The following CELSR2 variants were observed in gnomAD, a reference collection of about 807,000 sequenced individuals.
CELSR2 encodes cadherin EGF LAG seven-pass G-type receptor 2.
In CELSR2, 81 loss-of-function variants were observed where a neutral mutation model predicts 251.6. The ratio of observed to expected loss-of-function variants is 0.32; its 90% CI spans 0.27 to 0.39. CELSR2 has a LOEUF of 0.39. Among genes scored for constraint, CELSR2 ranks in the 10% least tolerant of loss-of-function variants. The pLI, the probability that CELSR2 is intolerant of heterozygous loss-of-function variation, is 1.00. For synonymous variants in CELSR2, 1,721 were observed against 1,670.5 expected (o/e 1.03, Z -0.74); for missense variants, 3,365 against 3,947.7 (o/e 0.85, Z 3.96).
At position 109,272,201 on chromosome 1, in the gene CELSR2, C is replaced by T. The variant is rs1198102672; in HGVS notation, c.7927-77C>T. 6.0e-6 allele frequency: 9 copies of T among 1,495,930 alleles called. No homozygotes were observed. The Admixed American group carries it at 2.0e-4, about 34-fold the overall frequency. The allele number at this position is 1,495,930 out of a possible 1,614,324, so 92.7% of individuals were successfully genotyped here. A position where few individuals can be genotyped will look rare whatever the true frequency, so the allele number is the denominator to read the frequency against. ...TGGAAGGTGGAACTTAGGGCAAGTT[C>T]CCTCCACCCTCCTTCTTCCCAGCCT... On this transcript the variant is annotated intron_variant, in intron 28 of 33. Coordinates refer to ENST00000271332, the MANE Select transcript of CELSR2 (RefSeq NM_001408.3).
At position 109,264,494 on chromosome 1, in the gene CELSR2, T is replaced by G. The variant is rs1225936064; in HGVS notation, c.5330T>G (p.Leu1777Arg). The stretch of plus-strand genomic sequence containing the variant: ...GATACGCCGGAGGGGGTTAACAGCC[T>G]GGATCCCAGCCATGGGGAGAGCATC... ...VSDTPEGVNS[L>R]DPSHGESINV... The change falls in exon 11 of 34, where the codon CTG (leucine) becomes CGG (arginine). Residue 1777 changes from leucine to arginine, a missense_variant. Physicochemically the swap from Leu to Arg is moderately radical, Grantham distance 102 (BLOSUM62 -2). Coordinates refer to ENST00000271332, the MANE Select transcript of CELSR2 (RefSeq NM_001408.3). 2 of 1,613,518 alleles carry G rather than the reference T, an allele frequency of 1.2e-6. No individual in the cohort carries two copies. Among genetic ancestry groups the G allele is most frequent in the African/African-American group, 2.7e-5 (2 of 74,882 alleles).
At chr1:109,255,885 G>C (rs1360826399) in intron 1 of CELSR2, among the ~76,000 whole-genome samples, 4 of 152,254 alleles carry the variant, frequency 2.6e-5, no homozygotes, top group Admixed American at 2.6e-4. Context: ...TGGTGGACCA[G>C]ATGGGAAGCA....
chr1:109,251,642 CT>C lies in CELSR2; in HGVS notation c.1564del (p.Tyr522ThrfsTer59). 1.2e-6 allele frequency: 2 copies of C among 1,613,940 alleles called. No individual in the cohort carries two copies. Among genetic ancestry groups the C allele is most frequent in the Non-Finnish European group, 1.7e-6 (2 of 1,179,896 alleles). ...ATVLESVPLG[Y>X]LVLHVQAIDA... ...CTGTCCTGGAGAGTGTCCCCTTAGG[CT>C]ACCTGGTTCTCCATGTCCAGGCTAT... On this transcript the variant is annotated frameshift_variant, in exon 1 of 34. Coordinates refer to ENST00000271332, the MANE Select transcript of CELSR2 (RefSeq NM_001408.3). LOFTEE classifies it high-confidence loss of function. The surrounding 1 kb of genome is among the most constrained non-coding windows in gnomAD (Gnocchi z 4.9).
rs562540827 is a variant in CELSR2, at chr1:109,267,711, A to G, written c.6108+69A>G. The G allele has an allele frequency of 7.5e-4, 1,179 of 1,573,330 alleles. 11 individuals are homozygous for G. Among genetic ancestry groups the G allele is most frequent in the Non-Finnish European group, 4.9e-5 (56 of 1,153,360 alleles). On this transcript the variant is annotated intron_variant, in intron 16 of 33. Coordinates refer to ENST00000271332, the MANE Select transcript of CELSR2 (RefSeq NM_001408.3). ...CTGAGTCTCACTTGCCCCCACTCCC[A>G]TCTTTGAGAACGGGGCTTCTGGAAT...
rs752159303 is a variant in CELSR2 at position 109,269,796 on chromosome 1, G to T, written c.7083G>T (p.Val2361=). 1 of 1,613,376 alleles carries T rather than the reference G, an allele frequency of 6.2e-7. No homozygotes were observed. The highest frequency in any genetic ancestry group is 1.1e-5 in the South Asian group (1 of 91,080). The change falls in exon 22 of 34, where the codon GTG becomes GTT. Residue 2361 remains valine (V), a synonymous_variant. Coordinates refer to ENST00000271332, the MANE Select transcript of CELSR2 (RefSeq NM_001408.3). This position sits in a 1 kb window ranked among gnomAD's most constrained non-coding sequence, Gnocchi z 6.4. ...CQCNHMTSFA[V]LMDVSRRENG... ...GCAACCACATGACGAGCTTCGCTGT[G>T]CTCATGGACGTTTCTCGGCGGGAGG...
intron 24 of CELSR2, 63 bp from the exon 25 acceptor site, chr1:109,270,864 G>T: frequency 8.0e-7 from 1 of 1,242,248 alleles, no homozygotes; most frequent in Non-Finnish European, 1.2e-6. Flanking sequence ...CCACCTGCCC[G>T]CAGCCCTACT....
At chr1:109,272,456 G>A (rs374731412) in intron 29 of CELSR2, 51 bp downstream of exon 29, 2 of 1,573,714 alleles carry the variant, frequency 1.3e-6, no homozygotes, top group African/African-American at 2.7e-5. Flanking sequence ...GCCCACGCAT[G>A]CTGGACCCAG....
At chr1:109,273,361 G>C (rs201996023) in intron 32 of CELSR2, 25 bp downstream of exon 32, 2 of 1,604,034 alleles carry the variant, frequency 1.2e-6, no homozygotes, top group Non-Finnish European at 1.7e-6. Flanking sequence ...CCCAGCTGCC[G>C]AGCTCCCCTA....
At chr1:109,253,638 C>G (rs535902771) in intron 1 of CELSR2, among the ~76,000 whole-genome samples, 5 of 152,228 alleles carry the variant, frequency 3.3e-5, no homozygotes, top group Non-Finnish European at 7.3e-5. Flanking sequence ...TGTCTACCAG[C>G]CTGTGACGTG....
rs201366382 is a variant in CELSR2 at position 109,273,978 on chromosome 1, C to T, written c.8745-44C>T. 1.2e-3 allele frequency: 1,925 copies of T among 1,610,240 alleles called. 5 individuals carry two copies. Among genetic ancestry groups the T allele is most frequent in the Non-Finnish European group, 1.5e-3 (1,770 of 1,176,510 alleles). On this transcript the variant is annotated intron_variant, in intron 33 of 33. Coordinates refer to ENST00000271332, the MANE Select transcript of CELSR2 (RefSeq NM_001408.3). ...CACTCTCTCCTCTGTTTCAACTAAC[C>T]CTCTGTCTGCCTTTTCTGCCACTTT...
In CELSR2 at chr1:109,258,748, A is replaced by C. The variant is rs199897779; in HGVS notation, c.3627A>C (p.Leu1209=). 1.3e-6 allele frequency: 2 copies of C among 1,575,656 alleles called. No individual in the cohort carries two copies. The highest frequency in any genetic ancestry group is 2.7e-5 in the African/African-American group (2 of 74,120). The change falls in exon 2 of 34, where the codon CTA becomes CTC. Residue 1209 remains leucine, a synonymous_variant. Coordinates refer to ENST00000271332, the MANE Select transcript of CELSR2 (RefSeq NM_001408.3). The part of the protein sequence containing the change: ...FLPSEDLQER[L]YLNRSLLTAI... ...CCTCTGAGGACCTGCAGGAGCGCCT[A>C]TACCTCAACCGCAGCCTGCTGACGG...
rs776874213 is a variant in CELSR2, at chr1:109,252,359, C to G, written c.2280C>G (p.Ile760Met). The change falls in exon 1 of 34, where the codon ATC (isoleucine) becomes ATG (methionine). Residue 760 changes from isoleucine to methionine, a missense_variant. Transcript: ENST00000271332. This position sits in a 1 kb window ranked among gnomAD's most constrained non-coding sequence, Gnocchi z 4.8. ...AGGACAGCATCCCCCAGTTCCGCAT[C>G]GATGCAGACACGGGGGCTGTCACCA... ...FMEDSIPQFR[I>M]DADTGAVTTQ... The G allele has an allele frequency of 6.2e-7, 1 of 1,613,016 alleles. No homozygotes were observed. The highest frequency in any genetic ancestry group is 8.5e-7 in the Non-Finnish European group (1 of 1,180,020).
At position 109,252,250 on chromosome 1, in the gene CELSR2, A is replaced by G; in HGVS notation, c.2171A>G (p.Asp724Gly). Residue 724 changes from aspartate (D) to glycine (G), a missense_variant, in exon 1 of 34, where the codon GAC (aspartate) becomes GGC (glycine). By Grantham distance (94) the Asp-to-Gly change is moderately conservative (BLOSUM62 -1). Coordinates refer to ENST00000271332, the MANE Select transcript of CELSR2 (RefSeq NM_001408.3). This position sits in a 1 kb window ranked among gnomAD's most constrained non-coding sequence, Gnocchi z 4.8. ...SSHYTVNVNE[D>G]RPAGTTVVLI... The stretch of plus-strand genomic sequence containing the variant: ...CACTATACAGTGAATGTTAATGAGG[A>G]CCGGCCGGCAGGCACCACGGTGGTG... 1.2e-6 allele frequency: 2 copies of G among 1,613,388 alleles called. No individual in the cohort carries two copies. The highest frequency in any genetic ancestry group is 1.7e-6 in the Non-Finnish European group (2 of 1,180,014).
Position 109,273,304 on chromosome 1 carries a change from C to T in CELSR2, c.8477C>T (p.Pro2826Leu). The T allele has an allele frequency of 6.3e-7, 1 of 1,598,184 alleles. No homozygotes were observed. Among genetic ancestry groups the T allele is most frequent in the Non-Finnish European group, 8.5e-7 (1 of 1,172,012 alleles). Residue 2826 changes from proline (P) to leucine (L), a missense_variant, in exon 32 of 34, where the codon CCC becomes CTC. Transcript: ENST00000271332. The part of the protein sequence containing the change: ...DALSREGSLG[P>L]LPGSSAQPHK... The stretch of plus-strand genomic sequence containing the variant: ...CTGTCTCGAGAGGGGTCCCTAGGCC[C>T]CCTTCCAGGCTCTTCTGCCCAGCCT...
chr1:109,265,577 T>C (rs1656162929), intron 13 of CELSR2, among the ~76,000 whole-genome samples, 158 bp from the exon 14 acceptor site: 1 of 152,220 alleles, frequency 6.6e-6, no homozygotes, highest in Non-Finnish European at 1.5e-5. Flanking sequence ...GCTGATGGGC[T>C]CAACTCCAAA....
In CELSR2 at chr1:109,258,654, G is replaced by T. The variant is rs1489795835; in HGVS notation, c.3533G>T (p.Gly1178Val). 1 of 1,549,756 alleles carries T rather than the reference G, an allele frequency of 6.5e-7. No individual in the cohort carries two copies. The highest frequency in any genetic ancestry group is 8.7e-7 in the Non-Finnish European group (1 of 1,146,040). The stretch of plus-strand genomic sequence containing the variant: ...CAGCGGGACACCGACGCCCCCGGGG[G>T]CCACATCCTCAACGTGAGCCTGTCG... ...NVQRDTDAPG[G>V]HILNVSLSVG... The change falls in exon 2 of 34, where the codon GGC becomes GTC. Residue 1178 changes from glycine to valine, a missense_variant. Coordinates refer to ENST00000271332, the MANE Select transcript of CELSR2 (RefSeq NM_001408.3).
Position 109,274,246 on chromosome 1 carries a change from C to G in CELSR2, c.*197C>G. 7.5e-7 allele frequency: 1 copy of G among 1,337,186 alleles called. No individual in the cohort carries two copies. The allele number at this position is 1,337,186 out of a possible 1,614,324, so 82.8% of individuals were successfully genotyped here. On this transcript the variant is annotated 3_prime_UTR_variant, in exon 34 of 34. Coordinates refer to ENST00000271332, the MANE Select transcript of CELSR2 (RefSeq NM_001408.3). ...TAAGGCCATCTAGTGCCAACTCCCC[C>G]CCCACCATTCCCCTCACTGCACTTT...
At chr1:109,270,854 C>T (rs942392271) in intron 24 of CELSR2, 73 bp from the exon 25 acceptor site, 2 of 1,148,106 alleles carry the variant, frequency 1.7e-6, no homozygotes, top group Non-Finnish European at 2.5e-6. Flanking sequence ...CCCTGTGAGC[C>T]CACCTGCCCG....
chr1:109,263,381 A>G (rs1386265474), intron 8 of CELSR2, 114 bp downstream of exon 8: 2 of 1,453,076 alleles, frequency 1.4e-6, no homozygotes, highest in East Asian at 4.8e-5. Flanking sequence ...GTGGGTGGAA[A>G]AGCGTGTCTG....
Sources: gnomAD v4.1 joint callset for allele counts (sites outside exome capture counted in the v4.1 genomes callset) on GRCh38, gnomAD v4.1.1 for gene constraint, Gnocchi (gnomAD v3.1) non-coding constraint, MANE v1.5 for transcripts, NCBI Gene and HGNC (gene_info 2026-07-23, HGNC 2026-07-21) for gene names.